TMTC2: variants seen among roughly 807,000 people sequenced by gnomAD.
TMTC2 encodes the protein transmembrane O-mannosyltransferase targeting cadherins 2.
In TMTC2, 43 loss-of-function variants were observed where a neutral mutation model predicts 82.4. The ratio of observed to expected loss-of-function variants is 0.52; its 90% CI spans 0.41 to 0.67. TMTC2 has a LOEUF of 0.67. TMTC2 is among the 30% of genes least tolerant of loss of function. The pLI is 0.00. For missense variants in TMTC2, 919 were observed against 1,012.4 expected, an observed-to-expected ratio of 0.91 and a Z score of 1.25; for synonymous variants, 408 against 381.9, an observed-to-expected ratio of 1.07 and a Z score of -0.80.
At chr12:83,093,311 T>G (rs1231581640) in intron 11 of TMTC2, among the ~76,000 whole-genome samples, 1 of 152,174 alleles carries the variant, frequency 6.6e-6, no homozygotes, top group African/African-American at 2.4e-5. Flanking sequence ...GTTCTGCCCT[T>G]GTCTGAACTT....
intron 1 of TMTC2, among the ~76,000 whole-genome samples, chr12:82,756,532 A>G (rs1876336486): frequency 6.6e-6 from 1 of 152,194 alleles, no homozygotes; most frequent in African/African-American, 2.4e-5. Flanking sequence ...GCATGGGACA[A>G]AGGAATATAC....
At chr12:82,929,693 G>A (rs895191102) in intron 3 of TMTC2, among the ~76,000 whole-genome samples, 15 of 152,122 alleles carry the variant, frequency 9.9e-5, no homozygotes, top group African/African-American at 3.6e-4. Flanking sequence ...AAGAAGGCAA[G>A]AAAAGAAGCC....
chr12:82,844,153 A>C (rs1226801149), intron 1 of TMTC2, among the ~76,000 whole-genome samples: 3 of 152,200 alleles, frequency 2.0e-5, no homozygotes, highest in Admixed American at 2.0e-4. Context: ...CTGAGGAGTC[A>C]GTGGATTCAC....
At chr12:82,766,335 A>G (rs1876961620) in intron 1 of TMTC2, among the ~76,000 whole-genome samples, 1 of 152,124 alleles carries the variant, frequency 6.6e-6, no homozygotes, top group African/African-American at 2.4e-5. Context: ...CCAATGAGCT[A>G]AGTTACTGTG....
At chr12:82,867,714 G>T (rs1254227369) in intron 2 of TMTC2, among the ~76,000 whole-genome samples, 1 of 151,976 alleles carries the variant, frequency 6.6e-6, no homozygotes, top group African/African-American at 2.4e-5. Context: ...TTTATAAAAT[G>T]GAAAACTCAA....
intron 1 of TMTC2, among the ~76,000 whole-genome samples, chr12:82,693,814 A>G (rs977012002): frequency 6.6e-6 from 1 of 152,082 alleles, no homozygotes; most frequent in Non-Finnish European, 1.5e-5. Flanking sequence ...CTAAAAATAT[A>G]AAAATTAGCC....
At chr12:83,097,827 G>A (rs1517818) in intron 11 of TMTC2, among the ~76,000 whole-genome samples, 115,110 of 152,048 alleles carry the variant, frequency 0.76, 43,682 homozygotes, top group East Asian at 0.83. Flanking sequence ...CAGCGTGTAT[G>A]AAGGCCTAAA....
intron 11 of TMTC2, among the ~76,000 whole-genome samples, chr12:83,112,471 T>G (rs760447991): frequency 2.0e-5 from 3 of 152,162 alleles, no homozygotes; most frequent in Non-Finnish European, 2.9e-5. Context: ...TGGACTGAAG[T>G]AAATAAAAGT....
intron 3 of TMTC2, among the ~76,000 whole-genome samples, chr12:82,927,130 T>A (rs2137237659): frequency 6.6e-6 from 1 of 152,296 alleles, no homozygotes; most frequent in Non-Finnish European, 1.5e-5. Context: ...CCTGGATTAG[T>A]CTGGGTAAAG....
chr12:82,811,636 TTAAAA>T (rs139323345), intron 1 of TMTC2, among the ~76,000 whole-genome samples: 12 of 152,000 alleles, frequency 7.9e-5, no homozygotes, highest in African/African-American at 2.9e-4. Flanking sequence ...TTTTAGAAAC[TTAAAA>T]TATAATTTAA....
intron 1 of TMTC2, among the ~76,000 whole-genome samples, chr12:82,778,743 GGAGGCT>G (rs1483418829): frequency 6.7e-6 from 1 of 149,550 alleles, no homozygotes; most frequent in Admixed American, 6.6e-5. Context: ...CAGCTACTTG[GGAGGCT>G]GAGGCAGGAG....
At chr12:83,129,158 T>A (rs1005347872) in intron 11 of TMTC2, among the ~76,000 whole-genome samples, 2 of 152,222 alleles carry the variant, frequency 1.3e-5, no homozygotes, top group African/African-American at 4.8e-5. Flanking sequence ...TACACCAAAA[T>A]GTTATAACTG....
At chr12:82,870,886 A>C (rs1261231461) in intron 2 of TMTC2, among the ~76,000 whole-genome samples, 1 of 152,190 alleles carries the variant, frequency 6.6e-6, no homozygotes, top group African/African-American at 2.4e-5. Flanking sequence ...GGCTGAATTT[A>C]AGTTGTCAAA....
chr12:82,797,079 G>A (rs1013691105), intron 1 of TMTC2, among the ~76,000 whole-genome samples: 6 of 152,080 alleles, frequency 3.9e-5, no homozygotes, highest in Non-Finnish European at 7.4e-5. Context: ...CCTTTCCGAT[G>A]CAGACTGTAT....
chr12:83,026,141 C>A (rs1881163817), intron 8 of TMTC2, among the ~76,000 whole-genome samples: 1 of 152,090 alleles, frequency 6.6e-6, no homozygotes, highest in South Asian at 2.1e-4. Context: ...TCCTGGTGAC[C>A]AGCCCCCATC....
chr12:82,738,118 A>C (rs1875212329), intron 1 of TMTC2, among the ~76,000 whole-genome samples: 1 of 152,176 alleles, frequency 6.6e-6, no homozygotes, highest in Admixed American at 6.5e-5. Flanking sequence ...AAGATAGTAT[A>C]AGTCCTTTGG....
intron 8 of TMTC2, among the ~76,000 whole-genome samples, chr12:83,008,768 G>A (rs961029885): frequency 6.6e-6 from 1 of 152,152 alleles, no homozygotes; most frequent in African/African-American, 2.4e-5. Context: ...GTGAGAACTG[G>A]TATTAATCTG....
intron 2 of TMTC2, among the ~76,000 whole-genome samples, chr12:82,878,304 G>A (rs1872677701): frequency 6.6e-6 from 1 of 152,200 alleles, no homozygotes; most frequent in African/African-American, 2.4e-5. Flanking sequence ...AAGATTGTAT[G>A]CTTAGTGTCA....
At chr12:82,703,608 C>T (rs191755747) in intron 1 of TMTC2, among the ~76,000 whole-genome samples, 2 of 151,702 alleles carry the variant, frequency 1.3e-5, no homozygotes, top group African/African-American at 4.8e-5. Flanking sequence ...ACGCCATTCT[C>T]CTGCCTCAGC....
Sources: gnomAD v4.1 joint callset for allele counts (sites outside exome capture counted in the v4.1 genomes callset) on GRCh38, gnomAD v4.1.1 for gene constraint, MANE v1.5 for transcripts, NCBI Gene and HGNC (gene_info 2026-07-23, HGNC 2026-07-21) for gene names.